Variants in MYPN observed in about 807,000 individuals in gnomAD.
The protein encoded by MYPN is myopalladin.
Under a neutral mutation model 129.4 loss-of-function variants are expected in MYPN, and 63 were observed. That is an observed-to-expected ratio of 0.49 (90% CI 0.40 to 0.60). The LOEUF (loss-of-function observed/expected upper bound fraction) is 0.60. Among genes scored for constraint, MYPN ranks in the 20% least tolerant of loss-of-function variants. The pLI is 0.00. For synonymous variants in MYPN, 629 were observed against 600.9 expected (o/e 1.05, Z -0.68); for missense variants, 1,596 against 1,635.4 (o/e 0.98, Z 0.42).
intron 4 of MYPN, among the ~76,000 whole-genome samples, chr10:68,146,167 G>A (rs985086667): frequency 6.6e-6 from 1 of 152,138 alleles, no homozygotes; most frequent in Non-Finnish European, 1.5e-5. Flanking sequence ...TTATTCAGTA[G>A]AGCATCAACC....
At position 68,174,253 on chromosome 10, in the gene MYPN, G is replaced by T. The variant is rs1301808128; in HGVS notation, c.2161G>T (p.Ala721Ser). Residue 721 changes from alanine to serine, a missense_variant, in exon 11 of 20, where the codon GCC (alanine) becomes TCC (serine). Ala to Ser is a moderately conservative substitution (Grantham distance 99). Transcript: ENST00000358913. ...TCCTTCATCACAGACGTTCAGCTTG[G>T]CCCGGCCGAAGTATTTCTTCCCCTC... ...KAPSSQTFSLARPKYFFPSTN... is the reference protein window; with the variant it reads ...KAPSSQTFSLSRPKYFFPSTN... The T allele has an allele frequency of 3.1e-6, 5 of 1,614,026 alleles. No individual in the cohort carries two copies. Among genetic ancestry groups the T allele is most frequent in the Non-Finnish European group, 3.4e-6 (4 of 1,180,012 alleles).
chr10:68,161,879 T>C, intron 8 of MYPN, 127 bp downstream of exon 8: 1 of 750,404 alleles, frequency 1.3e-6, no homozygotes, highest in Non-Finnish European at 2.2e-6. Context: ...AAGATCCAAA[T>C]GGGCCGGGTG....
At position 68,210,464 on chromosome 10, in the gene MYPN, A is replaced by G; in HGVS notation, c.*9A>G. On this transcript the variant is annotated 3_prime_UTR_variant, in exon 20 of 20. Transcript: ENST00000358913. ...AGAGTGATGAACTTTAAGAATGTCT[A>G]GGTACCTGCTGTGTAAGAGAGCGGA... The G allele has an allele frequency of 6.2e-7, 1 of 1,613,954 alleles. No individual in the cohort carries two copies. Among genetic ancestry groups the G allele is most frequent in the Non-Finnish European group, 8.5e-7 (1 of 1,179,950 alleles).
At chr10:68,118,889 G>GGAAGGAAGGAAGGAAA (rs2042197471) in intron 1 of MYPN, among the ~76,000 whole-genome samples, 1 of 108,740 alleles carries the variant, frequency 9.2e-6, no homozygotes, top group Non-Finnish European at 1.9e-5. Flanking sequence ...AAGGAAGGAA[G>GGAAGGAAGGAAGGAAA]GAAGGAAGGA....
intron 8 of MYPN, among the ~76,000 whole-genome samples, chr10:68,163,650 A>T (rs1465506109): frequency 2.0e-5 from 3 of 152,010 alleles, no homozygotes; most frequent in Non-Finnish European, 4.4e-5. Context: ...AATAAATAAA[A>T]AATAAAAGAA....
At chr10:68,107,872 C>T (rs376330482), upstream of MYPN, among the ~76,000 whole-genome samples, 1 of 152,122 alleles carries the variant, frequency 6.6e-6, no homozygotes, top group Admixed American at 6.6e-5. Flanking sequence ...TAAACATTGC[C>T]TTTACTAGCC....
chr10:68,174,766 T>A, intron 11 of MYPN, 110 bp downstream of exon 11: 2 of 1,008,664 alleles, frequency 2.0e-6, no homozygotes, highest in Non-Finnish European at 3.0e-6. Context: ...CTAGATAATC[T>A]TATTCTCTTA....
At chr10:68,107,979 G>T (rs2042033527), upstream of MYPN, among the ~76,000 whole-genome samples, 2 of 152,186 alleles carry the variant, frequency 1.3e-5, no homozygotes, top group South Asian at 4.1e-4. Flanking sequence ...GTGGGATAGT[G>T]GAGGAAGATC....
In MYPN at chr10:68,172,802, G is replaced by A. The variant is rs193210842; in HGVS notation, c.1974-1264G>A. Among the ~76,000 whole-genome samples, 36 of 152,288 alleles carry A rather than the reference G, an allele frequency of 2.4e-4. No homozygotes were observed. In the East Asian group the frequency reaches 6.0e-3, roughly 25 times the overall value. ...AATAATGATGTCAGGGCCGGGCACG[G>A]TGGCTCGCGCCTGTAATCCCACCAG... On this transcript the variant is annotated intron_variant, in intron 10 of 19. Coordinates refer to ENST00000358913, the MANE Select transcript of MYPN (RefSeq NM_032578.4).
chr10:68,095,327 G>C (rs2041951389), intron 1 of MYPN, among the ~76,000 whole-genome samples: 1 of 149,346 alleles, frequency 6.7e-6, no homozygotes, highest in Admixed American at 6.7e-5. Flanking sequence ...TCCAGCTTGG[G>C]TGACAGAGTC....
chr10:68,106,437 A>G (rs2042013892), upstream of MYPN: 1 of 442,874 alleles, frequency 2.3e-6, no homozygotes, highest in East Asian at 4.8e-5. Context: ...CCACCCATCT[A>G]TTGTTTTGGA....
At chr10:68,107,053 G>A (rs192441719), upstream of MYPN, among the ~76,000 whole-genome samples, 9 of 152,314 alleles carry the variant, frequency 5.9e-5, no homozygotes, top group African/African-American at 2.2e-4. Context: ...TCTTGAACTA[G>A]TAGGTTTGTG....
In MYPN at chr10:68,199,357, T is replaced by C. The variant is rs780954753; in HGVS notation, c.3286-11T>C. 1.2e-6 allele frequency: 2 copies of C among 1,613,598 alleles called. No individual in the cohort carries two copies. The highest frequency in any genetic ancestry group is 1.7e-6 in the Non-Finnish European group (2 of 1,179,680). On this transcript the variant is annotated splice_polypyrimidine_tract_variant and intron_variant, in intron 16 of 19. Coordinates refer to ENST00000358913, the MANE Select transcript of MYPN (RefSeq NM_032578.4). ...TCAGTCATGTGCCTCAGCTGTTCTG[T>C]TGTTTATTAGGTGAGTGGTTTACCG...
At chr10:68,129,658 G>A (rs1052449126) in intron 2 of MYPN, among the ~76,000 whole-genome samples, 14 of 152,106 alleles carry the variant, frequency 9.2e-5, no homozygotes, top group African/African-American at 3.4e-4. Context: ...GTTTTCCAAA[G>A]GAATTGTTTT....
chr10:68,146,169 G>A (rs761569638), intron 4 of MYPN, among the ~76,000 whole-genome samples: 2 of 152,126 alleles, frequency 1.3e-5, no homozygotes, highest in Non-Finnish European at 2.9e-5. Context: ...ATTCAGTAGA[G>A]CATCAACCAG....
intron 2 of MYPN, among the ~76,000 whole-genome samples, chr10:68,129,111 C>T (rs2042370822): frequency 6.6e-6 from 1 of 151,988 alleles, no homozygotes; most frequent in African/African-American, 2.4e-5. Context: ...TCAGCTTCAC[C>T]TGCGACTTGA....
chr10:68,154,907 C>T (rs10997955), intron 6 of MYPN, among the ~76,000 whole-genome samples: 79,436 of 152,028 alleles, frequency 0.52, 21,308 homozygotes, highest in Non-Finnish European at 0.58. Context: ...AGGCCAGGCA[C>T]GGTGGCTCAC....
chr10:68,136,463 T>G (rs544895384), intron 2 of MYPN: 3 of 1,063,076 alleles, frequency 2.8e-6, no homozygotes, highest in Non-Finnish European at 3.7e-6. Flanking sequence ...GAGAGTATGG[T>G]TCCCCCTGAC....
rs555466407 is a variant in MYPN, at chr10:68,211,723, T to A, written c.*1268T>A. 220 of 454,128 alleles carry A rather than the reference T, an allele frequency of 4.8e-4. 1 individual carries two copies. The highest frequency in any genetic ancestry group is 3.8e-3 in the African/African-American group (192 of 50,130). The allele number at this position is 454,128 out of a possible 1,614,324, so 28.1% of individuals were successfully genotyped here. A position where few individuals can be genotyped will look rare whatever the true frequency, so the allele number is the denominator to read the frequency against. ...AATGAATCTTCTGTTATTATGTCTA[T>A]TATAAGATAACCTAATCTTATATTC... On this transcript the variant is annotated 3_prime_UTR_variant, in exon 20 of 20. Transcript: ENST00000358913.
Sources: gnomAD v4.1 joint callset for allele counts (sites outside exome capture counted in the v4.1 genomes callset) on GRCh38, gnomAD v4.1.1 for gene constraint, MANE v1.5 for transcripts, NCBI Gene and HGNC (gene_info 2026-07-23, HGNC 2026-07-21) for gene names.